Variants in ACSBG2 observed in about 807,000 individuals in gnomAD.
The protein encoded by ACSBG2 is long-chain-fatty-acid--CoA ligase ACSBG2.
Under a neutral mutation model 74.7 loss-of-function variants are expected in ACSBG2, and 62 were observed. The observed-to-expected ratio is 0.83, with a 90% CI of 0.68 to 1.03. The LOEUF (loss-of-function observed/expected upper bound fraction) is 1.03, where lower values mean the gene tolerates loss of function less well. Among genes scored for constraint, ACSBG2 ranks in the 50% least tolerant of loss-of-function variants. The pLI, the probability that ACSBG2 is intolerant of heterozygous loss-of-function variation, is 0.00. For missense variants in ACSBG2, 730 were observed against 817.6 expected (o/e 0.89, Z 1.31); for synonymous variants, 309 against 294.1 (o/e 1.05, Z -0.52).
chr19:6,141,877 G>A (rs1476383993), intron 2 of ACSBG2, among the ~76,000 whole-genome samples: 2 of 152,078 alleles, frequency 1.3e-5, no homozygotes, highest in Admixed American at 6.6e-5. Flanking sequence ...GGGACTACAG[G>A]TGCACACCAC....
At chr19:6,153,780 T>G (rs1262393191) in intron 4 of ACSBG2, among the ~76,000 whole-genome samples, 2 of 151,266 alleles carry the variant, frequency 1.3e-5, no homozygotes, top group Non-Finnish European at 2.9e-5. Flanking sequence ...CCCAAGAAGT[T>G]GAGACTGCAG....
intron 7 of ACSBG2, among the ~76,000 whole-genome samples, chr19:6,176,771 G>T (rs144038887): frequency 0.017 from 2,550 of 152,178 alleles, 25 homozygotes; most frequent in South Asian, 0.033. Flanking sequence ...ATGACTTGGT[G>T]TTTGTAAAGT....
intron 13 of ACSBG2, among the ~76,000 whole-genome samples, chr19:6,188,751 G>C (rs1387243113): frequency 6.6e-6 from 1 of 152,134 alleles, no homozygotes; most frequent in Non-Finnish European, 1.5e-5. Context: ...GTTTTAAGGG[G>C]ATCTTTGGGG....
chr19:6,160,965 T>C (rs1386701262), intron 5 of ACSBG2, among the ~76,000 whole-genome samples: 1 of 152,126 alleles, frequency 6.6e-6, no homozygotes, highest in East Asian at 1.9e-4. Context: ...CTGGGCATGG[T>C]GGCACATGCC....
intron 4 of ACSBG2, among the ~76,000 whole-genome samples, chr19:6,152,927 G>A (rs1272082385): frequency 6.6e-6 from 1 of 152,140 alleles, no homozygotes; most frequent in African/African-American, 2.4e-5. Flanking sequence ...TTTATACACT[G>A]TATGGTTACA....
intron 8 of ACSBG2, 107 bp downstream of exon 8, chr19:6,177,503 C>G: frequency 8.2e-7 from 1 of 1,213,266 alleles, no homozygotes; most frequent in Non-Finnish European, 1.1e-6. Flanking sequence ...AGCCCCATGT[C>G]TAACGGTTTT....
At chr19:6,161,729 C>A (rs1340573101) in intron 6 of ACSBG2, 1 of 162,034 alleles carries the variant, frequency 6.2e-6, no homozygotes, top group Non-Finnish European at 1.3e-5. Flanking sequence ...GGGAGGTGAG[C>A]AATGCGTGGG....
intron 8 of ACSBG2, among the ~76,000 whole-genome samples, chr19:6,181,812 CG>C (rs202093456): frequency 3.8e-4 from 6 of 15,694 alleles, no homozygotes; most frequent in Non-Finnish European, 6.2e-4. Context: ...AGTCCCCACC[CG>C]CCCCCCCCCC....
chr19:6,180,539 A>C lies in ACSBG2; in HGVS notation c.907-2212A>C, dbSNP rs1411315752. Among the ~76,000 whole-genome samples, 1 of 152,230 alleles carries C rather than the reference A, an allele frequency of 6.6e-6. No individual in the cohort carries two copies. Among genetic ancestry groups the C allele is most frequent in the African/African-American group, 2.4e-5 (1 of 41,456 alleles). On this transcript the variant is annotated intron_variant, in intron 8 of 14. Coordinates refer to ENST00000588485, the MANE Select transcript of ACSBG2 (RefSeq NM_030924.5). The surrounding 1 kb of genome is among the most constrained non-coding windows in gnomAD (Gnocchi z 4.3). The stretch of plus-strand genomic sequence containing the variant: ...TACACATTTACCTACAGGACCTGAG[A>C]AGTTCCCATTTTCCCACATCCTTAC...
At chr19:6,192,364 C>A (rs1220853350) in intron 14 of ACSBG2, among the ~76,000 whole-genome samples, 1 of 152,218 alleles carries the variant, frequency 6.6e-6, no homozygotes, top group Admixed American at 6.5e-5. Context: ...CTCAAGCGAT[C>A]CTCCTGCTTC....
At chr19:6,170,107 T>A (rs1372921371) in intron 7 of ACSBG2, among the ~76,000 whole-genome samples, 1 of 152,190 alleles carries the variant, frequency 6.6e-6, no homozygotes, top group Non-Finnish European at 1.5e-5. Context: ...TGGCTAGGAC[T>A]TCTAGTACTA....
chr19:6,167,979 C>CG (rs1331756130), intron 7 of ACSBG2, among the ~76,000 whole-genome samples: 1 of 147,164 alleles, frequency 6.8e-6, no homozygotes, highest in African/African-American at 2.6e-5. Flanking sequence ...CCACCCTCAC[C>CG]CCCACCCCCA....
chr19:6,163,121 AAATAATAATAATAATAAT>A (rs71917482), intron 6 of ACSBG2, among the ~76,000 whole-genome samples: 24 of 122,846 alleles, frequency 2.0e-4, no homozygotes, highest in Admixed American at 4.4e-4. Flanking sequence ...CTAAAAATAC[AAATAATAATAATAATAAT>A]AATAATAATA....
chr19:6,159,796 C>A (rs1367643762), intron 5 of ACSBG2, among the ~76,000 whole-genome samples: 37 of 152,188 alleles, frequency 2.4e-4, no homozygotes, highest in Non-Finnish European at 1.5e-5. Flanking sequence ...ACCATTCTTT[C>A]ATGCCCCCTC....
intron 4 of ACSBG2, among the ~76,000 whole-genome samples, chr19:6,154,671 C>T (rs1383837720): frequency 1.3e-5 from 2 of 151,638 alleles, no homozygotes; most frequent in African/African-American, 4.8e-5. Flanking sequence ...GCCACCATGG[C>T]TGGCTAAATT....
At chr19:6,158,488 A>G (rs1002425982) in intron 5 of ACSBG2, among the ~76,000 whole-genome samples, 5 of 150,988 alleles carry the variant, frequency 3.3e-5, no homozygotes, top group Non-Finnish European at 5.9e-5. Context: ...TATTGTCGAA[A>G]CTTTAAATTT....
chr19:6,158,608 A>C (rs2089505825), intron 5 of ACSBG2, among the ~76,000 whole-genome samples: 1 of 152,142 alleles, frequency 6.6e-6, no homozygotes. Flanking sequence ...GGTTCATTTC[A>C]GCTCAAGGAC....
At chr19:6,179,655 A>C (rs1257061898) in intron 8 of ACSBG2, among the ~76,000 whole-genome samples, 1 of 152,138 alleles carries the variant, frequency 6.6e-6, no homozygotes, top group East Asian at 1.9e-4. Flanking sequence ...TCTGTCACCC[A>C]GGCTGGAGTG....
chr19:6,153,547 A>C (rs2089305988), intron 4 of ACSBG2, among the ~76,000 whole-genome samples: 1 of 152,092 alleles, frequency 6.6e-6, no homozygotes, highest in Non-Finnish European at 1.5e-5. Context: ...CCATGACAAA[A>C]TTGAGCGGCT....
Sources: allele counts gnomAD v4.1 joint callset (sites outside exome capture counted in the v4.1 genomes callset), GRCh38; gene constraint gnomAD v4.1.1; non-coding constraint Gnocchi (gnomAD v3.1); transcripts MANE v1.5; gene names NCBI Gene and HGNC (gene_info 2026-07-23, HGNC 2026-07-21).